NOTCH2: variants seen among roughly 807,000 people sequenced by gnomAD.
NOTCH2 encodes the protein notch receptor 2, also known as neurogenic locus notch homolog protein 2.
NOTCH2 carries 29 observed loss-of-function variants against 235.8 expected under a neutral mutation model. The ratio of observed to expected loss-of-function variants is 0.12; its 90% confidence interval spans 0.09 to 0.17. NOTCH2 has a LOEUF of 0.17. Among genes scored for constraint, NOTCH2 ranks in the 10% least tolerant of loss-of-function variants. The pLI is 1.00. For synonymous variants in NOTCH2, 1,086 were observed against 1,141.5 expected (o/e 0.95, Z 0.98); for missense variants, 2,285 against 3,150.2 (o/e 0.73, Z 6.57).
chr1:120,067,804 G>A, intron 1 of NOTCH2, among the ~76,000 whole-genome samples: 1 of 151,822 alleles, frequency 6.6e-6, no homozygotes, highest in Non-Finnish European at 1.5e-5. Flanking sequence ...AAAGCCTCCT[G>A]GTCCACTTCT....
At chr1:119,950,657 G>C (rs1553197671) in intron 15 of NOTCH2, 67 bp downstream of exon 15, 1 of 979,988 alleles carries the variant, frequency 1.0e-6, no homozygotes, top group Non-Finnish European at 1.7e-6. Flanking sequence ...TGGGCACTGA[G>C]ACTCAGGCAC....
intron 26 of NOTCH2, among the ~76,000 whole-genome samples, chr1:119,923,348 A>C (rs1649352176): frequency 6.6e-6 from 1 of 152,320 alleles, no homozygotes; most frequent in Non-Finnish European, 1.5e-5. Context: ...AAGGAATGTC[A>C]CTAATAAAGG....
chr1:120,037,713 T>C (rs1358922816), intron 1 of NOTCH2, among the ~76,000 whole-genome samples: 4 of 151,578 alleles, frequency 2.6e-5, no homozygotes, highest in Non-Finnish European at 5.9e-5. Context: ...GATAAATCGA[T>C]TTTGTTTTCC....
chr1:119,916,968 T>C (rs1288089900), intron 33 of NOTCH2, among the ~76,000 whole-genome samples: 1 of 151,952 alleles, frequency 6.6e-6, no homozygotes, highest in Non-Finnish European at 1.5e-5. Context: ...ATTCATAAAA[T>C]AAAGCATGCC....
At position 119,953,419 on chromosome 1, in the gene NOTCH2, T is replaced by C. The variant is rs1553198016; in HGVS notation, c.2365+124A>G. On this transcript the variant is annotated intron_variant, in intron 14 of 33. Transcript: ENST00000256646. Reference sequence around the variant, plus strand: ...TTCCCCAAGTGCCTTACAAGTCTAATTGCTCAATATGTTTGTTACACGAAT... The same window carrying C: ...TTCCCCAAGTGCCTTACAAGTCTAACTGCTCAATATGTTTGTTACACGAAT... 5.8e-6 allele frequency: 6 copies of C among 1,042,154 alleles called. No homozygotes were observed. In the East Asian group the frequency reaches 1.4e-4, roughly 25 times the overall value. The allele number at this position is 1,042,154 out of a possible 1,614,324, so 64.6% of individuals were successfully genotyped here.
intron 15 of NOTCH2, chr1:119,950,417 C>T: frequency 1.9e-6 from 1 of 524,990 alleles, no homozygotes; most frequent in Non-Finnish European, 3.7e-6. Context: ...AGCTAATGTC[C>T]TGGAAACATT....
chr1:119,952,197 T>G (rs1481539588), intron 14 of NOTCH2, among the ~76,000 whole-genome samples: 4 of 152,156 alleles, frequency 2.6e-5, no homozygotes, highest in South Asian at 2.1e-4. Flanking sequence ...AGAAGCAGAT[T>G]TTACACAATT....
At chr1:119,970,080 G>T (rs1570702461) in intron 5 of NOTCH2, among the ~76,000 whole-genome samples, 1 of 152,114 alleles carries the variant, frequency 6.6e-6, no homozygotes, top group African/African-American at 2.4e-5. Flanking sequence ...AGAGCAAGGA[G>T]AGAAGAGTAT....
At chr1:119,983,726 T>C (rs1553201923) in intron 5 of NOTCH2, among the ~76,000 whole-genome samples, 1 of 152,166 alleles carries the variant, frequency 6.6e-6, no homozygotes, top group African/African-American at 2.4e-5. Context: ...AATCAAACCA[T>C]GAATAGAGCT....
chr1:119,978,311 G>A lies in NOTCH2; in HGVS notation c.875-8567C>T, dbSNP rs587679432. Among the ~76,000 whole-genome samples the A allele has an allele frequency of 7.2e-5, 11 of 152,222 alleles. No individual in the cohort carries two copies. In the South Asian group the frequency reaches 2.1e-3, roughly 29 times the overall value. The stretch of plus-strand genomic sequence containing the variant: ...AGGGGAGTGAAGAGAGGTGTGGCTG[G>A]AGAGGGAGTTACATGCACAGCCTTG... On this transcript the variant is annotated intron_variant, in intron 5 of 33. Coordinates refer to ENST00000256646, the MANE Select transcript of NOTCH2 (RefSeq NM_024408.4).
At chr1:120,017,915 A>G (rs1353468252) in intron 2 of NOTCH2, among the ~76,000 whole-genome samples, 1 of 137,884 alleles carries the variant, frequency 7.3e-6, no homozygotes, top group Non-Finnish European at 1.7e-5. Context: ...CCTGACTAAG[A>G]AAAAAAAAAA....
At chr1:119,966,131 T>A (rs1651125442) in intron 9 of NOTCH2, among the ~76,000 whole-genome samples, 2 of 152,180 alleles carry the variant, frequency 1.3e-5, no homozygotes, top group South Asian at 4.1e-4. Flanking sequence ...TTCTGAAATA[T>A]ATACACAGAC....
intron 22 of NOTCH2, among the ~76,000 whole-genome samples, chr1:119,932,376 C>T (rs782760897): frequency 2.6e-5 from 4 of 152,116 alleles, no homozygotes; most frequent in African/African-American, 9.6e-5. Flanking sequence ...TTGCTTGAGG[C>T]CAGGAGTTCA....
rs753822819 is a variant in NOTCH2, at chr1:119,919,410, G to A, written c.5683C>T (p.Arg1895Cys). ...GCATCTGCACCTGCATCCAGGAGAC[G>A]CTTGGCAGCATCAGCCCGTGAGTAG... Reference protein sequence around the residue: ...ARYSRADAAKRLLDAGADANA... With the variant: ...ARYSRADAAKCLLDAGADANA... Residue 1895 changes from arginine (R) to cysteine (C), a missense_variant, in exon 31 of 34, where the codon CGT becomes TGT. By Grantham distance (180) the Arg-to-Cys change is radical. Around this residue, in one of 6 missense-constraint regions of NOTCH2, gnomAD observed 128 missense variants for 255.9 expected, o/e 0.50. Transcript: ENST00000256646. The A allele has an allele frequency of 1.9e-6, 3 of 1,613,686 alleles. No individual in the cohort carries two copies. Among genetic ancestry groups the A allele is most frequent in the African/African-American group, 1.3e-5 (1 of 74,920 alleles).
chr1:119,985,857 CA>C (rs199523085), intron 5 of NOTCH2, among the ~76,000 whole-genome samples: 8,504 of 152,094 alleles, frequency 0.056, 306 homozygotes, highest in South Asian at 0.17. Context: ...ATCAAGACAC[CA>C]TGAAGAAATT....
chr1:119,914,984 A>C lies in NOTCH2; in HGVS notation c.*322T>G, dbSNP rs1649014529. 4.4e-6 allele frequency: 2 copies of C among 455,446 alleles called. No individual in the cohort carries two copies. The highest frequency in any genetic ancestry group is 1.9e-5 in the African/African-American group (1 of 51,580). 28.2% of individuals were successfully genotyped at this position (455,446 alleles called of 1,614,324 possible). Reference sequence around the variant, plus strand: ...GCCTGCAGGGCTTAAAATGCAGTCCAAGCTGCAAGAATGTCTGGGCTTCAA... The same window carrying C: ...GCCTGCAGGGCTTAAAATGCAGTCCCAGCTGCAAGAATGTCTGGGCTTCAA... On this transcript the variant is annotated 3_prime_UTR_variant, in exon 34 of 34. Coordinates refer to ENST00000256646, the MANE Select transcript of NOTCH2 (RefSeq NM_024408.4).
chr1:119,950,487 A>G (rs1411845103), intron 15 of NOTCH2: 1 of 653,344 alleles, frequency 1.5e-6, no homozygotes, highest in African/African-American at 1.8e-5. Flanking sequence ...TTAAAAAAAA[A>G]TTTCTTTCAA....
rs587668836 is a variant in NOTCH2 at position 119,930,912 on chromosome 1, C to A, written c.3656-1700G>T. 1.4e-4 allele frequency among the ~76,000 whole-genome samples: 22 copies of A among 151,914 alleles called. No homozygotes were observed. In the East Asian group the frequency reaches 4.1e-3, roughly 28 times the overall value. On this transcript the variant is annotated intron_variant, in intron 22 of 33. Transcript: ENST00000256646. ...AGGAGATCGAGACCATCCTGGCTAA[C>A]ATGGTGAAACCCCGTCTCCACTAAA...
chr1:119,923,771 G>A lies in NOTCH2; in HGVS notation c.4725C>T (p.Thr1575=). ...GGGAGTCCCGCTTAATGCGCAGGTT[G>A]GTGTGGAGCAGGGTACCCAGTGCCC... ...FLRALGTLLH[T]NLRIKRDSQG... Residue 1575 remains threonine, a synonymous_variant, in exon 26 of 34, where the codon ACC becomes ACT. Coordinates refer to ENST00000256646, the MANE Select transcript of NOTCH2 (RefSeq NM_024408.4). The A allele has an allele frequency of 6.2e-7, 1 of 1,614,176 alleles. No homozygotes were observed. The highest frequency in any genetic ancestry group is 2.2e-5 in the East Asian group (1 of 44,880).
Sources: allele counts gnomAD v4.1 joint callset (sites outside exome capture counted in the v4.1 genomes callset), GRCh38; gene constraint gnomAD v4.1.1; regional missense constraint gnomAD v4.1.1; transcripts MANE v1.5; gene names NCBI Gene and HGNC (gene_info 2026-07-23, HGNC 2026-07-21).